The following SPG11 variants were observed in gnomAD, a reference collection of about 807,000 sequenced individuals.
SPG11 encodes the protein SPG11 vesicle trafficking associated, spatacsin.
SPG11 carries 222 observed loss-of-function variants against 274.0 expected under a neutral mutation model. The ratio of observed to expected loss-of-function variants is 0.81; its 90% CI spans 0.73 to 0.91. The LOEUF is 0.91. SPG11 is among the 40% of genes least tolerant of loss of function. The pLI is 0.00. For synonymous variants in SPG11, 1,144 were observed against 1,039.7 expected (o/e 1.10, Z -1.93); for missense variants, 3,114 against 2,872.7 (o/e 1.08, Z -1.92).
rs77656273 is a variant in SPG11 at position 44,621,489 on chromosome 15, A to C, written c.2620+270T>G. The C allele has an allele frequency of 0.029, 12,344 of 429,394 alleles. 575 individuals carry two copies. The highest frequency in any genetic ancestry group is 0.12 in the African/African-American group (6,108 of 49,628). The allele number at this position is 429,394 out of a possible 1,614,324, so 26.6% of individuals were successfully genotyped here. A position where few individuals can be genotyped will look rare whatever the true frequency, so the allele number is the denominator to read the frequency against. On this transcript the variant is annotated intron_variant, in intron 14 of 39. Coordinates refer to ENST00000261866, the MANE Select transcript of SPG11 (RefSeq NM_025137.4). ...TACACAAGAAGCTCAAGACTATTTG[A>C]AAAAACAGATTGTCACTTTGAAGCT...
chr15:44,584,181 G>A lies in SPG11; in HGVS notation c.5499C>T (p.Ser1833=). Residue 1833 remains serine (S), a synonymous_variant, in exon 30 of 40, where the codon TCC becomes TCT. Coordinates refer to ENST00000261866, the MANE Select transcript of SPG11 (RefSeq NM_025137.4). ...SRQISTSGEL[S]FDSLASEFSF... Reference sequence around the variant, plus strand: ...AAAACTCACTGGCTAAACTATCAAAGGAAAGTTCACCACTAGTTGAGATCT... The same window carrying A: ...AAAACTCACTGGCTAAACTATCAAAAGAAAGTTCACCACTAGTTGAGATCT... 2 of 1,614,206 alleles carry A rather than the reference G, an allele frequency of 1.2e-6. No homozygotes were observed. Among genetic ancestry groups the A allele is most frequent in the Non-Finnish European group, 1.7e-6 (2 of 1,180,028 alleles).
intron 20 of SPG11, 59 bp from the exon 21 acceptor site, chr15:44,600,691 T>A: frequency 6.4e-7 from 1 of 1,559,880 alleles, no homozygotes; most frequent in Non-Finnish European, 8.8e-7. Flanking sequence ...AATTTCAGAT[T>A]TGCACATGGA....
chr15:44,629,736 G>C (rs565406539), intron 8 of SPG11, among the ~76,000 whole-genome samples: 3 of 152,152 alleles, frequency 2.0e-5, no homozygotes, highest in Non-Finnish European at 4.4e-5. Flanking sequence ...AAAAAACTGA[G>C]GTTCAGAGAG....
chr15:44,617,090 T>C (rs555042346), intron 15 of SPG11, among the ~76,000 whole-genome samples: 1 of 152,288 alleles, frequency 6.6e-6, no homozygotes, highest in East Asian at 1.9e-4. Flanking sequence ...GACCCCAGTG[T>C]CCTCAGACTT....
intron 18 of SPG11, among the ~76,000 whole-genome samples, chr15:44,608,817 T>C (rs1028618869): frequency 2.0e-5 from 3 of 152,152 alleles, no homozygotes; most frequent in Non-Finnish European, 4.4e-5. Flanking sequence ...TAATATCGGG[T>C]CTTTGTTTCC....
chr15:44,633,867 T>C (rs2084158532), intron 7 of SPG11, among the ~76,000 whole-genome samples: 1 of 152,076 alleles, frequency 6.6e-6, no homozygotes, highest in Admixed American at 6.6e-5. Context: ...AGTCAGAGTT[T>C]TGCTCTTGTT....
chr15:44,585,301 C>A (rs910979177), intron 29 of SPG11, among the ~76,000 whole-genome samples: 4 of 151,752 alleles, frequency 2.6e-5, no homozygotes, highest in African/African-American at 7.3e-5. Flanking sequence ...CTTAAAAAGA[C>A]CAATGAGGCT....
intron 26 of SPG11, among the ~76,000 whole-genome samples, 157 bp from the exon 27 acceptor site, chr15:44,592,595 G>A (rs931037864): frequency 2.6e-5 from 4 of 152,258 alleles, no homozygotes; most frequent in African/African-American, 4.8e-5. Context: ...GAGCCAGTGG[G>A]ATCACCTAAG....
In SPG11 at chr15:44,606,034, C is replaced by G; in HGVS notation, c.3511G>C (p.Ala1171Pro). The G allele has an allele frequency of 6.2e-7, 1 of 1,613,608 alleles. No individual in the cohort carries two copies. Among genetic ancestry groups the G allele is most frequent in the African/African-American group, 1.3e-5 (1 of 75,028 alleles). Residue 1171 changes from alanine to proline, a missense_variant, in exon 20 of 40, where the codon GCT (alanine) becomes CCT (proline). Transcript: ENST00000261866. ...ACCCATGATGACTTACCTCCTATAG[C>G]TAGTGTGTTAGCAGACTGCCAGCCA... ...LFGWQSANTL[A>P]IGDAWSHLPH...
chr15:44,656,082 G>A (rs79396219), intron 4 of SPG11, among the ~76,000 whole-genome samples: 2,860 of 152,266 alleles, frequency 0.019, 33 homozygotes, highest in Middle Eastern at 0.034. Flanking sequence ...CACACAGAGG[G>A]ATGGGCCTTC....
At chr15:44,588,901 CTGACAG>C (rs1180599401) in intron 28 of SPG11, among the ~76,000 whole-genome samples, 1 of 152,178 alleles carries the variant, frequency 6.6e-6, no homozygotes, top group Non-Finnish European at 1.5e-5. Context: ...CTTAGCTGGA[CTGACAG>C]GCAAAATATC....
intron 34 of SPG11, among the ~76,000 whole-genome samples, chr15:44,570,312 CT>C (rs2082394815): frequency 6.6e-6 from 1 of 152,192 alleles, no homozygotes; most frequent in African/African-American, 2.4e-5. Context: ...GAGGGATCTT[CT>C]CCCTTTCGCT....
rs1232108418 is a variant in SPG11, at chr15:44,593,235, G to A, written c.4636-797C>T. On this transcript the variant is annotated intron_variant, in intron 26 of 39. Coordinates refer to ENST00000261866, the MANE Select transcript of SPG11 (RefSeq NM_025137.4). The stretch of plus-strand genomic sequence containing the variant: ...TTTTGAGACATAGCCTCATTCTGTC[G>A]CCCAGGCTGGAGTGCAGTGGCATGA... Among the ~76,000 whole-genome samples, 4 of 151,476 alleles carry A rather than the reference G, an allele frequency of 2.6e-5. No individual in the cohort carries two copies. The East Asian group carries it at 5.8e-4, about 22-fold the overall frequency.
chr15:44,563,790 C>T (rs1004192818), intron 39 of SPG11, among the ~76,000 whole-genome samples: 4 of 152,158 alleles, frequency 2.6e-5, no homozygotes, highest in African/African-American at 9.7e-5. Flanking sequence ...CTGTGCCCAC[C>T]TTAGGATACT....
At chr15:44,570,797 C>T (rs1008416249) in intron 33 of SPG11, 139 bp from the exon 34 acceptor site, 2 of 1,084,930 alleles carry the variant, frequency 1.8e-6, no homozygotes, top group South Asian at 1.4e-5. Flanking sequence ...CTCCGAAGTC[C>T]CTGAACTTAG....
intron 30 of SPG11, among the ~76,000 whole-genome samples, chr15:44,577,363 G>A (rs2082560000): frequency 6.6e-6 from 1 of 151,298 alleles, no homozygotes; most frequent in South Asian, 2.1e-4. Context: ...ATTAGCTGGG[G>A]ATGGTAGTGT....
chr15:44,608,425 G>A lies in SPG11; in HGVS notation c.3453+19C>T, dbSNP rs1487119104. 11 of 1,612,330 alleles carry A rather than the reference G, an allele frequency of 6.8e-6. No homozygotes were observed. Among genetic ancestry groups the A allele is most frequent in the African/African-American group, 1.3e-5 (1 of 74,968 alleles). On this transcript the variant is annotated intron_variant, in intron 19 of 39. Transcript: ENST00000261866. The stretch of plus-strand genomic sequence containing the variant: ...CTGAACTCTGATAGACCTAAATATT[G>A]GCCACCTAAATACTGTACCTGAATA...
chr15:44,615,385 A>G lies in SPG11; in HGVS notation c.3016T>C (p.Tyr1006His). The change falls in exon 16 of 40, where the codon TAT becomes CAT. Residue 1006 changes from tyrosine to histidine, a missense_variant. Transcript: ENST00000261866. ...CACTTGTAACAGTCAAGGTAGACAT[A>G]AAGAAGATGCTGCAGACTGTGCTCC... The part of the protein sequence containing the change: ...CLEHSLQHLL[Y>H]VYLDCYKLSP... 1.9e-6 allele frequency: 3 copies of G among 1,613,906 alleles called. No homozygotes were observed. The highest frequency in any genetic ancestry group is 2.5e-6 in the Non-Finnish European group (3 of 1,179,984).
chr15:44,641,626 C>CACACACA (rs1267797943), intron 7 of SPG11, among the ~76,000 whole-genome samples: 5 of 150,468 alleles, frequency 3.3e-5, no homozygotes, highest in Non-Finnish European at 5.9e-5. Context: ...CACACACACA[C>CACACACA]ACACACAAAA....
Sources: gnomAD v4.1 joint callset for allele counts (sites outside exome capture counted in the v4.1 genomes callset) on GRCh38, gnomAD v4.1.1 for gene constraint, MANE v1.5 for transcripts, NCBI Gene and HGNC (gene_info 2026-07-23, HGNC 2026-07-21) for gene names.